Variants in NABP2 observed in about 807,000 individuals in gnomAD.
NABP2 encodes the protein nucleic acid binding protein 2, also known as SOSS complex subunit B1.
Under a neutral mutation model 22.7 loss-of-function variants are expected in NABP2, and 7 were observed. The ratio of observed to expected loss-of-function variants is 0.31; its 90% CI spans 0.18 to 0.58. The LOEUF is 0.58. NABP2 is among the 20% of genes least tolerant of loss of function. The pLI, the probability that NABP2 is intolerant of heterozygous loss-of-function variation, is 0.89. For missense variants in NABP2, 188 were observed against 265.9 expected (o/e 0.71, Z 2.04); for synonymous variants, 107 against 99.2 (o/e 1.08, Z -0.47).
At chr12:56,223,209 C>A (rs575850073), upstream of NABP2, among the ~76,000 whole-genome samples, 1 of 152,246 alleles carries the variant, frequency 6.6e-6, no homozygotes, top group South Asian at 2.1e-4. Flanking sequence ...CCACTGCACT[C>A]CAACCTGGGC....
chr12:56,229,087 T>TTGCGGGCC lies in NABP2; in HGVS notation c.510_511insTGCGGGCC (p.Pro171CysfsTer65). On this transcript the variant is annotated frameshift_variant, in exon 7 of 7. Coordinates refer to ENST00000267023, the MANE Select transcript of NABP2 (RefSeq NM_024068.4). LOFTEE classifies it high-confidence loss of function. ...GTGGTGGCCCACATCCCCCTCATAC[T>TTGCGGGCC]CCCTCCCACCCACCCAGCACCCGAA... 1 of 1,512,344 alleles carries TTGCGGGCC rather than the reference T, an allele frequency of 6.6e-7. No homozygotes were observed. The highest frequency in any genetic ancestry group is 9.1e-7 in the Non-Finnish European group (1 of 1,102,012). 93.7% of individuals were successfully genotyped at this position (1,512,344 alleles called of 1,614,324 possible).
rs751452672 is a variant in NABP2 at position 56,226,356 on chromosome 12, G to A, written c.373G>A (p.Val125Met). 6.2e-7 allele frequency: 1 copy of A among 1,613,964 alleles called. No individual in the cohort carries two copies. Among genetic ancestry groups the A allele is most frequent in the Non-Finnish European group, 8.5e-7 (1 of 1,180,002 alleles). The change falls in exon 6 of 7, where the codon GTG becomes ATG. Residue 125 changes from valine to methionine, a missense_variant and splice_region_variant. Transcript: ENST00000267023. ...CTGAATATGTAATCTGTGCCTTCAG[G>A]TGCAGAACGACAGCAACCCTTCAGC... Reference protein sequence around the residue: ...YSTQQAPNKAVQNDSNPSASQ... With the variant: ...YSTQQAPNKAMQNDSNPSASQ...
In NABP2 at chr12:56,229,301, G is replaced by A. The variant is rs921577838; in HGVS notation, c.*88G>A. ...CTTCCACTGATTGGCTGGTGTAGCA[G>A]TATTTTAGCCACTGAACTTCAGTGG... On this transcript the variant is annotated 3_prime_UTR_variant, in exon 7 of 7. Coordinates refer to ENST00000267023, the MANE Select transcript of NABP2 (RefSeq NM_024068.4). 6.8e-7 allele frequency: 1 copy of A among 1,462,652 alleles called. No individual in the cohort carries two copies. The highest frequency in any genetic ancestry group is 1.2e-5 in the South Asian group (1 of 82,338). The allele number at this position is 1,462,652 out of a possible 1,614,324, so 90.6% of individuals were successfully genotyped here.
At chr12:56,223,391 C>A (rs1869595935), upstream of NABP2, among the ~76,000 whole-genome samples, 2 of 151,894 alleles carry the variant, frequency 1.3e-5, no homozygotes. Context: ...GCGAAACTGT[C>A]TCTACAAAAA....
At position 56,225,376 on chromosome 12, in the gene NABP2, G is replaced by A. The variant is rs1395596829; in HGVS notation, c.83G>A (p.Arg28Gln). Residue 28 changes from arginine to glutamine, a missense_variant, in exon 3 of 7, where the codon CGA becomes CAA. Physicochemically the swap from Arg to Gln is conservative, Grantham distance 43 (BLOSUM62 1). Coordinates refer to ENST00000267023, the MANE Select transcript of NABP2 (RefSeq NM_024068.4). ...NLIFIVLETG[R>Q]VTKTKDGHEV... ...TCGATTTATCTGTTCCGTTCAGGCC[G>A]AGTGACCAAGACAAAGGACGGGCAT... is the stretch of plus-strand genomic sequence containing the variant. The A allele has an allele frequency of 6.2e-7, 1 of 1,614,178 alleles. No individual in the cohort carries two copies. Among genetic ancestry groups the A allele is most frequent in the Non-Finnish European group, 8.5e-7 (1 of 1,180,050 alleles).
chr12:56,223,084 A>G (rs1044698262), upstream of NABP2, among the ~76,000 whole-genome samples: 1 of 152,164 alleles, frequency 6.6e-6, no homozygotes, highest in African/African-American at 2.4e-5. Flanking sequence ...AAATACAAAA[A>G]AAGTAGCCGG....
upstream of NABP2, among the ~76,000 whole-genome samples, chr12:56,223,302 C>T (rs2135826186): frequency 6.6e-6 from 1 of 152,232 alleles, no homozygotes; most frequent in East Asian, 1.9e-4. Context: ...CGGCTCACGC[C>T]TGTAATCCTA....
At position 56,226,407 on chromosome 12, in the gene NABP2, G is replaced by A. The variant is rs758951182; in HGVS notation, c.424G>A (p.Ala142Thr). Residue 142 changes from alanine to threonine, a missense_variant, in exon 6 of 7, where the codon GCT becomes ACT. Ala to Thr is a moderately conservative substitution (Grantham distance 58). Transcript: ENST00000267023. ...TTCCCAGCCTACCACTGGACCCTCT[G>A]CTGCCTCTCCAGGTAAATCTGTTCC... The part of the protein sequence containing the change: ...SASQPTTGPS[A>T]ASPASENQNG... The A allele has an allele frequency of 4.9e-5, 79 of 1,613,042 alleles. No individual in the cohort carries two copies. Among genetic ancestry groups the A allele is most frequent in the Non-Finnish European group, 6.5e-5 (77 of 1,179,980 alleles).
rs1411052920 is a variant in NABP2 at position 56,226,337 on chromosome 12, A to G, written c.373-19A>G. The stretch of plus-strand genomic sequence containing the variant: ...GCATGGGAGGGAGCAGGATCTGAAT[A>G]TGTAATCTGTGCCTTCAGGTGCAGA... On this transcript the variant is annotated intron_variant, in intron 5 of 6. Transcript: ENST00000267023. 3.7e-6 allele frequency: 6 copies of G among 1,613,912 alleles called. No homozygotes were observed. The highest frequency in any genetic ancestry group is 4.2e-6 in the Non-Finnish European group (5 of 1,179,988).
At chr12:56,226,306 C>A in intron 5 of NABP2, 46 bp downstream of exon 5, 1 of 1,613,802 alleles carries the variant, frequency 6.2e-7, no homozygotes, top group East Asian at 2.2e-5. Context: ...CAGATCAAGA[C>A]AAGAAGCATG....
Position 56,229,238 on chromosome 12 carries a change from C to A in NABP2, c.*25C>A. 2 of 1,610,970 alleles carry A rather than the reference C, an allele frequency of 1.2e-6. No individual in the cohort carries two copies. The highest frequency in any genetic ancestry group is 1.1e-5 in the South Asian group (1 of 90,926). On this transcript the variant is annotated 3_prime_UTR_variant, in exon 7 of 7. Coordinates refer to ENST00000267023, the MANE Select transcript of NABP2 (RefSeq NM_024068.4). ...GCATGACATTCTTTCTTCCTGCCAC[C>A]AACCACATCCCAAGTGTCCCCTGGA...
rs779204115 is a variant in NABP2 at position 56,229,150 on chromosome 12, G to A, written c.573G>A (p.Pro191=). 4.5e-6 allele frequency: 6 copies of A among 1,332,196 alleles called. No individual in the cohort carries two copies. Among genetic ancestry groups the A allele is most frequent in the South Asian group, 1.1e-5 (1 of 87,128 alleles). 82.5% of individuals were successfully genotyped at this position (1,332,196 alleles called of 1,614,324 possible). Reference sequence around the variant, plus strand: ...AGCCCAACCACACACCTGCAGGCCCGCCTGGCCCTTCCAGCAACCCTGTTA... The same window carrying A: ...AGCCCAACCACACACCTGCAGGCCCACCTGGCCCTTCCAGCAACCCTGTTA... ...RSQPNHTPAG[P]PGPSSNPVSN... Residue 191 remains proline (P), a synonymous_variant, in exon 7 of 7, where the codon CCG becomes CCA. Coordinates refer to ENST00000267023, the MANE Select transcript of NABP2 (RefSeq NM_024068.4).
At chr12:56,226,732 A>ATTGTTTTTTTTTT (rs1869787981) in intron 6 of NABP2, among the ~76,000 whole-genome samples, 1 of 64,614 alleles carries the variant, frequency 1.5e-5, no homozygotes, top group African/African-American at 4.7e-5. Context: ...TGCCCGGCTA[A>ATTGTTTTTTTTTT]TTTTTTTTTT....
At position 56,229,741 on chromosome 12, in the gene NABP2, A is replaced by AG. The variant is rs1555153297; in HGVS notation, c.*528_*529insG. The AG allele has an allele frequency of 6.6e-6, 1 of 150,396 alleles. No homozygotes were observed. The highest frequency in any genetic ancestry group is 1.5e-5 in the Non-Finnish European group (1 of 68,040). 9.3% of individuals were successfully genotyped at this position (150,396 alleles called of 1,614,324 possible). On this transcript the variant is annotated 3_prime_UTR_variant, in exon 7 of 7. Coordinates refer to ENST00000267023, the MANE Select transcript of NABP2 (RefSeq NM_024068.4). Reference sequence around the variant, plus strand: ...AAGAGCGAAACTCCATCTCAAAAAAAAAAGAAAGAAAGAAAGAAAGAAAGA... The same window carrying AG: ...AAGAGCGAAACTCCATCTCAAAAAAAGAAAGAAAGAAAGAAAGAAAGAAAGA...
At chr12:56,227,679 C>T (rs550831506) in intron 6 of NABP2, among the ~76,000 whole-genome samples, 3 of 151,964 alleles carry the variant, frequency 2.0e-5, no homozygotes, top group Non-Finnish European at 2.9e-5. Context: ...CCAGACGCAG[C>T]GGTGCACACC....
intron 6 of NABP2, among the ~76,000 whole-genome samples, chr12:56,226,973 CT>C (rs1201274523): frequency 6.6e-6 from 1 of 151,418 alleles, no homozygotes; most frequent in African/African-American, 2.4e-5. Context: ...ATCTACCCAC[CT>C]CAGCCTCCCA....
At chr12:56,224,593 T>C in intron 1 of NABP2, 152 bp downstream of exon 1, 2 of 1,232,886 alleles carry the variant, frequency 1.6e-6, no homozygotes. Context: ...ACTTCGCGGC[T>C]TGAGACTAAA....
rs1200782880 is a variant in NABP2, at chr12:56,229,118, C to G, written c.541C>G (p.Arg181Gly). Reference protein sequence around the residue: ...PSHPPSTRITRSQPNHTPAGP... With the variant: ...PSHPPSTRITGSQPNHTPAGP... ...CCACCCACCCAGCACCCGAATCACT[C>G]GAAGCCAGCCCAACCACACACCTGC... Residue 181 changes from arginine to glycine, a missense_variant, in exon 7 of 7, where the codon CGA becomes GGA. Arg to Gly is a moderately radical substitution (Grantham distance 125). Coordinates refer to ENST00000267023, the MANE Select transcript of NABP2 (RefSeq NM_024068.4). 1 of 1,085,168 alleles carries G rather than the reference C, an allele frequency of 9.2e-7. No homozygotes were observed. The highest frequency in any genetic ancestry group is 1.3e-6 in the Non-Finnish European group (1 of 770,262). The allele number at this position is 1,085,168 out of a possible 1,614,324, so 67.2% of individuals were successfully genotyped here.
intron 4 of NABP2, among the ~76,000 whole-genome samples, chr12:56,225,953 C>T (rs1869740543): frequency 6.6e-6 from 1 of 152,124 alleles, no homozygotes; most frequent in Non-Finnish European, 1.5e-5. Context: ...GCGTGCTTCA[C>T]CACACCCAGC....
Sources: allele counts gnomAD v4.1 joint callset (sites outside exome capture counted in the v4.1 genomes callset), GRCh38; gene constraint gnomAD v4.1.1; transcripts MANE v1.5; gene names NCBI Gene and HGNC (gene_info 2026-07-23, HGNC 2026-07-21).